The following ADAMTS12 variants were observed in gnomAD, a reference collection of about 807,000 sequenced individuals.
ADAMTS12 encodes the protein ADAM metallopeptidase with thrombospondin type 1 motif 12, also known as A disintegrin and metalloproteinase with thrombospondin motifs 12.
In ADAMTS12, 118 loss-of-function variants were observed where a neutral mutation model predicts 167.8. That is an observed-to-expected ratio of 0.70 (90% confidence interval 0.61 to 0.82). The LOEUF is 0.82. Ranked by LOEUF, ADAMTS12 falls within the 40% of genes least tolerant of loss-of-function variation. The probability of loss-of-function intolerance (pLI) is 0.00; values close to 1 mark genes in which losing one functional copy is unlikely to be tolerated. For synonymous variants in ADAMTS12, 704 were observed against 716.9 expected (o/e 0.98, Z 0.29); for missense variants, 1,916 against 1,998.8 (o/e 0.96, Z 0.79).
intron 2 of ADAMTS12, among the ~76,000 whole-genome samples, chr5:33,845,715 G>A (rs765477416): frequency 6.6e-6 from 1 of 152,192 alleles, no homozygotes; most frequent in Non-Finnish European, 1.5e-5. Context: ...TAATCAAAAT[G>A]AGTAGCAGAA....
rs1240957176 is a variant in ADAMTS12, at chr5:33,546,168, C to T, written c.4337G>A (p.Arg1446Lys). 1 of 1,613,764 alleles carries T rather than the reference C, an allele frequency of 6.2e-7. No individual in the cohort carries two copies. The highest frequency in any genetic ancestry group is 1.1e-5 in the South Asian group (1 of 90,984). Residue 1446 changes from arginine to lysine, a missense_variant, in exon 22 of 24, where the codon AGA becomes AAA. Coordinates refer to ENST00000504830, the MANE Select transcript of ADAMTS12 (RefSeq NM_030955.4). Reference protein sequence around the residue: ...SRSCGGGVQERGVFCPGGLCD... With the variant: ...SRSCGGGVQEKGVFCPGGLCD... ...GAGGCCTCCTGGACAGAACACTCCT[C>T]TCTCCTGAACTCCACCTCCACAGGA...
chr5:33,875,065 C>T (rs990738203), intron 2 of ADAMTS12, among the ~76,000 whole-genome samples: 2 of 152,118 alleles, frequency 1.3e-5, no homozygotes, highest in African/African-American at 4.8e-5. Context: ...AGACATATTA[C>T]TAAGTGAAAA....
chr5:33,565,798 G>A (rs200422238), intron 19 of ADAMTS12, among the ~76,000 whole-genome samples: 1 of 151,404 alleles, frequency 6.6e-6, no homozygotes, highest in East Asian at 1.9e-4. Context: ...TAATCAAAAC[G>A]TGTTAATTAA....
At chr5:33,820,305 C>T (rs187252401) in intron 2 of ADAMTS12, among the ~76,000 whole-genome samples, 3 of 152,262 alleles carry the variant, frequency 2.0e-5, no homozygotes, top group Admixed American at 2.0e-4. Context: ...TTAAATTAAA[C>T]ATAAAGCAAA....
chr5:33,846,585 C>T (rs10472900), intron 2 of ADAMTS12, among the ~76,000 whole-genome samples: 3,471 of 152,168 alleles, frequency 0.023, 139 homozygotes, highest in African/African-American at 0.08. Context: ...ATAAGCAACA[C>T]AAGACTCAAC....
chr5:33,558,125 T>C (rs1412367117), intron 20 of ADAMTS12, among the ~76,000 whole-genome samples: 1 of 152,096 alleles, frequency 6.6e-6, no homozygotes, highest in East Asian at 1.9e-4. Context: ...ACAATAAATG[T>C]AATGTGCTTG....
chr5:33,719,339 T>C (rs758093275), intron 3 of ADAMTS12, among the ~76,000 whole-genome samples: 1 of 152,076 alleles, frequency 6.6e-6, no homozygotes, highest in Non-Finnish European at 1.5e-5. Flanking sequence ...CCAAGAGGTT[T>C]TAGAAGAAGG....
intron 3 of ADAMTS12, among the ~76,000 whole-genome samples, chr5:33,719,223 A>G (rs1743719412): frequency 6.6e-6 from 1 of 152,216 alleles, no homozygotes; most frequent in Non-Finnish European, 1.5e-5. Context: ...GCTGCAAAGT[A>G]TGCAAAATAT....
chr5:33,534,702 T>C, intron 23 of ADAMTS12, 131 bp downstream of exon 23: 1 of 1,218,912 alleles, frequency 8.2e-7, no homozygotes, highest in Non-Finnish European at 1.1e-6. Context: ...TTCCCAGGGT[T>C]ACTGGTTGAC....
Position 33,525,000 on chromosome 5 carries a change from G to A in ADAMTS12, c.*2188C>T, listed in dbSNP as rs1743749252. On this transcript the variant is annotated 3_prime_UTR_variant, in exon 24 of 24. Coordinates refer to ENST00000504830, the MANE Select transcript of ADAMTS12 (RefSeq NM_030955.4). ...TTGAGGTCAGTAGGAATCTGAGTTT[G>A]TTCCTGAGTTTTGTAAGCCTGGTCA... The A allele has an allele frequency of 6.6e-6, 1 of 152,308 alleles. No homozygotes were observed. The highest frequency in any genetic ancestry group is 2.1e-4 in the South Asian group (1 of 4,830). The allele number at this position is 152,308 out of a possible 1,614,324, so 9.4% of individuals were successfully genotyped here. A position where few individuals can be genotyped will look rare whatever the true frequency, so the allele number is the denominator to read the frequency against.
intron 17 of ADAMTS12, among the ~76,000 whole-genome samples, chr5:33,592,736 T>C (rs1459701548): frequency 6.6e-6 from 1 of 152,096 alleles, no homozygotes; most frequent in African/African-American, 2.4e-5. Flanking sequence ...ACACAGAATG[T>C]TGAAATTGGT....
chr5:33,591,753 C>A (rs1249575493), intron 17 of ADAMTS12, among the ~76,000 whole-genome samples: 1 of 152,176 alleles, frequency 6.6e-6, no homozygotes, highest in African/African-American at 2.4e-5. Context: ...GAGATTTCTG[C>A]AGCTTCCCTC....
rs372796324 is a variant in ADAMTS12, at chr5:33,824,805, A to C, written c.489+56314T>G. On this transcript the variant is annotated intron_variant, in intron 2 of 23. Transcript: ENST00000504830. ...CATCCCTTGCTCTGTAAAGTTACACAGTTAAGGCTAGGATGATACTTCCCA... is the reference window on the plus strand; with the variant it reads ...CATCCCTTGCTCTGTAAAGTTACACCGTTAAGGCTAGGATGATACTTCCCA... Among the ~76,000 whole-genome samples, 14 of 152,292 alleles carry C rather than the reference A, an allele frequency of 9.2e-5. No individual in the cohort carries two copies. The East Asian group carries it at 9.6e-4, about 10-fold the overall frequency.
chr5:33,546,153 G>A lies in ADAMTS12; in HGVS notation c.4352C>T (p.Pro1451Leu). 6.2e-7 allele frequency: 1 copy of A among 1,613,886 alleles called. No homozygotes were observed. Among genetic ancestry groups the A allele is most frequent in the Non-Finnish European group, 8.5e-7 (1 of 1,179,954 alleles). ...TTTTGTCCAATCACAGAGGCCTCCT[G>A]GACAGAACACTCCTCTCTCCTGAAC... is the stretch of plus-strand genomic sequence containing the variant. Reference protein sequence around the residue: ...GGVQERGVFCPGGLCDWTKRP... With the variant: ...GGVQERGVFCLGGLCDWTKRP... The change falls in exon 22 of 24, where the codon CCA (proline) becomes CTA (leucine). Residue 1451 changes from proline to leucine, a missense_variant. Pro to Leu is a moderately conservative substitution (Grantham distance 98, BLOSUM62 -3). Transcript: ENST00000504830.
chr5:33,873,985 C>T (rs369035796), intron 2 of ADAMTS12, among the ~76,000 whole-genome samples: 10 of 152,072 alleles, frequency 6.6e-5, no homozygotes, highest in African/African-American at 2.4e-4. Flanking sequence ...AGAGATAATA[C>T]AGGAGAAAAA....
At chr5:33,681,285 C>A (rs372549871) in intron 5 of ADAMTS12, among the ~76,000 whole-genome samples, 3 of 152,168 alleles carry the variant, frequency 2.0e-5, no homozygotes, top group African/African-American at 7.2e-5. Flanking sequence ...CACACACGAT[C>A]GTGGAGATTT....
At chr5:33,653,561 A>G (rs1561196311) in intron 7 of ADAMTS12, among the ~76,000 whole-genome samples, 2 of 151,630 alleles carry the variant, frequency 1.3e-5, no homozygotes, top group Non-Finnish European at 2.9e-5. Context: ...CTTCTCATGC[A>G]CTTTATTTGG....
At chr5:33,717,899 C>G (rs1743669853) in intron 3 of ADAMTS12, among the ~76,000 whole-genome samples, 1 of 151,988 alleles carries the variant, frequency 6.6e-6, no homozygotes, top group Non-Finnish European at 1.5e-5. Flanking sequence ...AAGTGAAAGT[C>G]ATTTTGTCAT....
chr5:33,724,566 A>G (rs1022973759), intron 3 of ADAMTS12, among the ~76,000 whole-genome samples: 3 of 131,650 alleles, frequency 2.3e-5, no homozygotes, highest in Non-Finnish European at 4.7e-5. Context: ...TTTTTTTTTA[A>G]TTTGAGATGG....
Sources: allele counts gnomAD v4.1 joint callset (sites outside exome capture counted in the v4.1 genomes callset), GRCh38; gene constraint gnomAD v4.1.1; transcripts MANE v1.5; gene names NCBI Gene and HGNC (gene_info 2026-07-23, HGNC 2026-07-21).